AGTPBP1: variants seen among roughly 807,000 people sequenced by gnomAD.
AGTPBP1 encodes ATP/GTP binding carboxypeptidase 1.
In AGTPBP1, 70 loss-of-function variants were observed where a neutral mutation model predicts 143.9. The ratio of observed to expected loss-of-function variants is 0.49; its 90% confidence interval spans 0.40 to 0.59. The LOEUF is 0.59. Among genes scored for constraint, AGTPBP1 ranks in the 20% least tolerant of loss-of-function variants. The pLI is 0.00. For synonymous variants in AGTPBP1, 463 were observed against 500.2 expected (o/e 0.93, Z 0.99); for missense variants, 1,229 against 1,464.5 (o/e 0.84, Z 2.62).
chr9:85,616,737 TTGAA>T (rs1452493168), intron 17 of AGTPBP1, among the ~76,000 whole-genome samples: 5 of 151,978 alleles, frequency 3.3e-5, no homozygotes, highest in African/African-American at 4.8e-5. Context: ...TTAATATACT[TTGAA>T]TGAGTTTCAA....
At chr9:85,801,693 A>T in the AGTPBP1 span, among the ~76,000 whole-genome samples, 1 of 152,300 alleles carries the variant, frequency 6.6e-6, no homozygotes, top group East Asian at 1.9e-4. Context: ...GAGAGAAGCA[A>T]TTAGAAATCT....
chr9:85,678,333 AC>A lies in AGTPBP1; in HGVS notation c.289+1del. On this transcript the variant is annotated splice_donor_variant, in intron 5 of 25. Coordinates refer to ENST00000357081, the MANE Select transcript of AGTPBP1 (RefSeq NM_001330701.2). LOFTEE classifies it high-confidence loss of function. ...AATTAGACCAAAGAAACAAAAACTT[AC>A]CAGCTGACACCAGCTCAACAAGAAT... 6.3e-7 allele frequency: 1 copy of A among 1,589,258 alleles called. No individual in the cohort carries two copies. Among genetic ancestry groups the A allele is most frequent in the Non-Finnish European group, 8.6e-7 (1 of 1,164,352 alleles).
At chr9:85,692,250 C>T (rs1003886246) in intron 3 of AGTPBP1, among the ~76,000 whole-genome samples, 3 of 150,796 alleles carry the variant, frequency 2.0e-5, no homozygotes, top group Non-Finnish European at 3.0e-5. Flanking sequence ...GTTTTCCACT[C>T]GAGTCAATTT....
intron 15 of AGTPBP1, among the ~76,000 whole-genome samples, chr9:85,620,286 T>C (rs992534321): frequency 1.3e-5 from 2 of 151,952 alleles, no homozygotes; most frequent in Non-Finnish European, 2.9e-5. Context: ...TGGTGGCATG[T>C]GTCTGTAGTC....
Position 85,547,032 on chromosome 9 carries a change from T to C in AGTPBP1, c.*77A>G. On this transcript the variant is annotated 3_prime_UTR_variant, in exon 26 of 26. Transcript: ENST00000357081. ...TTGAGTCAGCTCTGTATAAACTCAT[T>C]TCTCTCAAGCTTCCTGGGAAATAAA... The C allele has an allele frequency of 6.8e-7, 1 of 1,463,870 alleles. No homozygotes were observed. Among genetic ancestry groups the C allele is most frequent in the Non-Finnish European group, 9.1e-7 (1 of 1,100,980 alleles). 90.7% of individuals were successfully genotyped at this position (1,463,870 alleles called of 1,614,324 possible).
chr9:85,770,462 G>C, the AGTPBP1 span: 16 of 1,576,460 alleles, frequency 1.0e-5, no homozygotes, highest in East Asian at 9.0e-5. Context: ...GTTGAGATTA[G>C]AGCTATTCTT....
At chr9:85,760,261 T>A in the AGTPBP1 span, among the ~76,000 whole-genome samples, 1 of 152,096 alleles carries the variant, frequency 6.6e-6, no homozygotes, top group East Asian at 1.9e-4. Context: ...CCTCCCTAAC[T>A]CATTTTATGA....
rs183085478 is a variant in AGTPBP1, at chr9:85,674,928, G to A, written c.437-2247C>T. Among the ~76,000 whole-genome samples, 495 of 151,908 alleles carry A rather than the reference G, an allele frequency of 3.3e-3. 2 individuals carry two copies. The highest frequency in any genetic ancestry group is 4.0e-3 in the Non-Finnish European group (274 of 67,960). On this transcript the variant is annotated intron_variant, in intron 6 of 25. Coordinates refer to ENST00000357081, the MANE Select transcript of AGTPBP1 (RefSeq NM_001330701.2). ...TTTTTTCTTTTTGAGACAGAGTCTC[G>A]CTCTGTCACCCAAGCTGGAGTGCAG...
chr9:85,593,047 T>TG (rs1467814791), intron 18 of AGTPBP1, among the ~76,000 whole-genome samples: 12 of 152,196 alleles, frequency 7.9e-5, no homozygotes, highest in African/African-American at 2.7e-4. Context: ...GAAAGGTTGA[T>TG]GGACACCTTT....
the AGTPBP1 span, among the ~76,000 whole-genome samples, chr9:85,749,600 T>C: frequency 6.6e-6 from 1 of 152,156 alleles, no homozygotes; most frequent in African/African-American, 2.4e-5. Flanking sequence ...GGTCCATGGA[T>C]AGGCTTTGAA....
Position 85,608,623 on chromosome 9 carries a change from A to C in AGTPBP1, c.2335+10360T>G, listed in dbSNP as rs147661223. Among the ~76,000 whole-genome samples the C allele has an allele frequency of 1.0e-3, 155 of 152,016 alleles. 1 individual carries two copies. Among genetic ancestry groups the C allele is most frequent in the Non-Finnish European group, 1.7e-3 (114 of 67,930 alleles). ...TATTATCAGCAAATTTTAAGCAAAGATATCTTCTTTGCTTGGAATTTGATG... is the reference window on the plus strand; with the variant it reads ...TATTATCAGCAAATTTTAAGCAAAGCTATCTTCTTTGCTTGGAATTTGATG... On this transcript the variant is annotated intron_variant, in intron 17 of 25. Transcript: ENST00000357081.
At chr9:85,796,236 A>G in the AGTPBP1 span, among the ~76,000 whole-genome samples, 1 of 152,230 alleles carries the variant, frequency 6.6e-6, no homozygotes, top group Non-Finnish European at 1.5e-5. Flanking sequence ...GTGTTGTAGT[A>G]GTAAGTAGTT....
intron 23 of AGTPBP1, among the ~76,000 whole-genome samples, chr9:85,583,327 C>T (rs1648445391): frequency 6.6e-6 from 1 of 152,052 alleles, no homozygotes; most frequent in Non-Finnish European, 1.5e-5. Context: ...GGAAATACTC[C>T]ACTTTGACAC....
the AGTPBP1 span, among the ~76,000 whole-genome samples, chr9:85,779,212 GATATAGATATAGATATAGATAT>G: frequency 7.1e-6 from 1 of 141,556 alleles, no homozygotes; most frequent in East Asian, 2.0e-4. Context: ...TATAGATATA[GATATAGATATAGATATAGATAT>G]AGATATAGAT....
intron 14 of AGTPBP1, among the ~76,000 whole-genome samples, chr9:85,629,265 C>T (rs1831504818): frequency 6.6e-6 from 1 of 152,112 alleles, no homozygotes; most frequent in East Asian, 1.9e-4. Flanking sequence ...GGAAAAAGTC[C>T]TACAGATGCC....
In AGTPBP1 at chr9:85,621,300, G is replaced by A. The variant is rs755310216; in HGVS notation, c.2016-15C>T. 3 of 1,330,780 alleles carry A rather than the reference G, an allele frequency of 2.3e-6. No individual in the cohort carries two copies. The highest frequency in any genetic ancestry group is 3.0e-6 in the Non-Finnish European group (3 of 1,005,862). 82.4% of individuals were successfully genotyped at this position (1,330,780 alleles called of 1,614,324 possible). A position where few individuals can be genotyped will look rare whatever the true frequency, so the allele number is the denominator to read the frequency against. On this transcript the variant is annotated splice_polypyrimidine_tract_variant and intron_variant, in intron 14 of 25. Transcript: ENST00000357081. ...CAATTTTTGTCCTGAAATCATAAAGGTTTAACCAAAATATATTATTATACA... is the reference window on the plus strand; with the variant it reads ...CAATTTTTGTCCTGAAATCATAAAGATTTAACCAAAATATATTATTATACA...
chr9:85,689,002 TATAC>T (rs1835670237), intron 3 of AGTPBP1, among the ~76,000 whole-genome samples: 1 of 152,226 alleles, frequency 6.6e-6, no homozygotes, highest in Admixed American at 6.5e-5. Flanking sequence ...AAAATGAGAC[TATAC>T]ATATTTTGTA....
intron 17 of AGTPBP1, among the ~76,000 whole-genome samples, chr9:85,612,291 A>G (rs1445036178): frequency 6.6e-6 from 1 of 152,158 alleles, no homozygotes; most frequent in Non-Finnish European, 1.5e-5. Context: ...TCCATCCTCA[A>G]GGGAAAGGAA....
the AGTPBP1 span, among the ~76,000 whole-genome samples, chr9:85,805,052 C>T: frequency 1.3e-5 from 2 of 152,180 alleles, no homozygotes; most frequent in South Asian, 4.1e-4. Flanking sequence ...TGAGGAGAGC[C>T]CTTCTCTTCC....
Sources: allele counts gnomAD v4.1 joint callset (sites outside exome capture counted in the v4.1 genomes callset), GRCh38; gene constraint gnomAD v4.1.1; transcripts MANE v1.5; gene names NCBI Gene and HGNC (gene_info 2026-07-23, HGNC 2026-07-21).